PPARGC1A: variants seen among roughly 807,000 people sequenced by gnomAD.
PPARGC1A encodes peroxisome proliferator-activated receptor gamma coactivator 1-alpha.
PPARGC1A carries 25 observed loss-of-function variants against 88.7 expected under a neutral mutation model. The ratio of observed to expected loss-of-function variants is 0.28; its 90% CI spans 0.21 to 0.39. PPARGC1A has a LOEUF of 0.39. Ranked by LOEUF, PPARGC1A falls within the 10% of genes least tolerant of loss-of-function variation. The probability of loss-of-function intolerance (pLI) is 1.00; values close to 1 mark genes in which losing one functional copy is unlikely to be tolerated. For synonymous variants in PPARGC1A, 363 were observed against 355.6 expected, an observed-to-expected ratio of 1.02 and a Z score of -0.24; for missense variants, 880 against 968.7, an observed-to-expected ratio of 0.91 and a Z score of 1.22.
the PPARGC1A span, among the ~76,000 whole-genome samples, chr4:23,948,733 A>C: frequency 2.4e-4 from 36 of 152,210 alleles, no homozygotes; most frequent in African/African-American, 7.9e-4. Context: ...TTCATTCTCA[A>C]ATGTCCCATT....
chr4:24,401,469 C>T, the PPARGC1A span, among the ~76,000 whole-genome samples: 3 of 152,164 alleles, frequency 2.0e-5, no homozygotes, highest in African/African-American at 7.2e-5. Flanking sequence ...GAAGAATTCT[C>T]CACACTTCAT....
intron 10 of PPARGC1A, among the ~76,000 whole-genome samples, chr4:23,811,594 G>GACT (rs2109433268): frequency 6.6e-6 from 1 of 152,296 alleles, no homozygotes; most frequent in African/African-American, 2.4e-5. Context: ...CAACTGGACT[G>GACT]ACTTATTTTT....
rs2109300783 is a variant in PPARGC1A, at chr4:23,795,697, GT to G, written c.*124del. On this transcript the variant is annotated 3_prime_UTR_variant, in exon 13 of 13. Transcript: ENST00000264867. ...TGTTGTATTGTTGTTGTTTTGTTTT[GT>G]TTTTGTACAGAGAGTGTAAAGTAGG... 4.6e-6 allele frequency: 3 copies of G among 648,106 alleles called. No homozygotes were observed. The highest frequency in any genetic ancestry group is 3.4e-5 in the Admixed American group (1 of 29,742). The allele number at this position is 648,106 out of a possible 1,614,324, so 40.1% of individuals were successfully genotyped here. A position where few individuals can be genotyped will look rare whatever the true frequency, so the allele number is the denominator to read the frequency against.
the PPARGC1A span, among the ~76,000 whole-genome samples, chr4:24,091,928 T>TACACACAC: frequency 3.0e-3 from 449 of 147,840 alleles, 4 homozygotes; most frequent in East Asian, 0.046. Context: ...CTTGCCCCAA[T>TACACACAC]ACACACACAC....
rs1272170761 is a variant in PPARGC1A at position 23,889,892 on chromosome 4, G to A, written c.54+12C>T. On this transcript the variant is annotated intron_variant, in intron 1 of 12. Transcript: ENST00000264867. The stretch of plus-strand genomic sequence containing the variant: ...AGTTGTGGCTGCAGCGCCGAGCCCT[G>A]CCCCAGCTCACCTCGATGTCACTCC... 1.9e-6 allele frequency: 3 copies of A among 1,612,950 alleles called. No homozygotes were observed. Among genetic ancestry groups the A allele is most frequent in the Non-Finnish European group, 2.5e-6 (3 of 1,179,424 alleles).
the PPARGC1A span, among the ~76,000 whole-genome samples, chr4:23,979,095 A>T: frequency 5.3e-5 from 8 of 152,328 alleles, no homozygotes; most frequent in South Asian, 1.7e-3. Flanking sequence ...GGATAATTTC[A>T]TGTATAAAAA....
At chr4:24,064,209 A>C in the PPARGC1A span, among the ~76,000 whole-genome samples, 1 of 152,210 alleles carries the variant, frequency 6.6e-6, no homozygotes, top group Non-Finnish European at 1.5e-5. Context: ...CAATAAGAAA[A>C]AAAACAACTG....
intron 2 of PPARGC1A, among the ~76,000 whole-genome samples, chr4:23,857,999 C>T (rs921821098): frequency 2.6e-5 from 4 of 151,696 alleles, no homozygotes; most frequent in African/African-American, 7.3e-5. Flanking sequence ...AAAACAACTA[C>T]TATGGCTAAA....
At chr4:24,017,690 A>T in the PPARGC1A span, among the ~76,000 whole-genome samples, 1 of 152,136 alleles carries the variant, frequency 6.6e-6, no homozygotes, top group Non-Finnish European at 1.5e-5. Context: ...CAACAAGGAC[A>T]TCATTATTTA....
chr4:24,054,308 TAAA>T, the PPARGC1A span, among the ~76,000 whole-genome samples: 11 of 134,890 alleles, frequency 8.2e-5, no homozygotes, highest in Non-Finnish European at 9.5e-5. Context: ...ATCCTTCTTG[TAAA>T]AAAAAAAAAA....
chr4:24,289,302 A>T, the PPARGC1A span, among the ~76,000 whole-genome samples: 1 of 151,242 alleles, frequency 6.6e-6, no homozygotes, highest in Non-Finnish European at 1.5e-5. Flanking sequence ...TTAGCCCATT[A>T]TATTGCTCCA....
chr4:24,002,256 T>TA, the PPARGC1A span, among the ~76,000 whole-genome samples: 5 of 152,024 alleles, frequency 3.3e-5, no homozygotes, highest in African/African-American at 1.2e-4. Flanking sequence ...GCCTCCAGAG[T>TA]AGCTGGGATG....
the PPARGC1A span, among the ~76,000 whole-genome samples, chr4:24,422,070 G>C: frequency 6.6e-6 from 1 of 152,218 alleles, no homozygotes; most frequent in Admixed American, 6.5e-5. Flanking sequence ...TAAAGCAGGG[G>C]TCAGCAAACT....
the PPARGC1A span, among the ~76,000 whole-genome samples, chr4:24,331,767 T>TTATATATA: frequency 7.3e-4 from 105 of 143,652 alleles, no homozygotes; most frequent in African/African-American, 9.3e-4. Flanking sequence ...TGTGTTTATT[T>TTATATATA]TATATATATA....
In PPARGC1A at chr4:23,802,365, G is replaced by C. The variant is rs201481114; in HGVS notation, c.2020-20C>G. ...CTCTTCCTATGGGGGGAAGGAAGGA[G>C]AGAGTTCTGGAGTGGGAAAAAAGCT... On this transcript the variant is annotated intron_variant, in intron 10 of 12. Transcript: ENST00000264867. 2 of 1,613,656 alleles carry C rather than the reference G, an allele frequency of 1.2e-6. No homozygotes were observed. Among genetic ancestry groups the C allele is most frequent in the African/African-American group, 1.3e-5 (1 of 74,982 alleles).
the PPARGC1A span, among the ~76,000 whole-genome samples, chr4:24,197,238 G>T: frequency 1.3e-5 from 2 of 152,194 alleles, no homozygotes; most frequent in South Asian, 4.1e-4. Context: ...CTATTTTCCA[G>T]GGCATGAAAT....
chr4:24,076,194 A>G, the PPARGC1A span, among the ~76,000 whole-genome samples: 2 of 152,060 alleles, frequency 1.3e-5, no homozygotes. Context: ...CATCTCTCAC[A>G]TTCATTATCT....
chr4:24,162,361 T>C, the PPARGC1A span, among the ~76,000 whole-genome samples: 1 of 151,988 alleles, frequency 6.6e-6, no homozygotes, highest in Admixed American at 6.6e-5. Flanking sequence ...CAATAACCTA[T>C]GGAAATAAAA....
chr4:23,956,780 C>T, the PPARGC1A span, among the ~76,000 whole-genome samples: 2 of 152,082 alleles, frequency 1.3e-5, no homozygotes, highest in Non-Finnish European at 2.9e-5. Flanking sequence ...AAATGCTAAG[C>T]TCTTCAAAGT....
Sources: allele counts gnomAD v4.1 joint callset (sites outside exome capture counted in the v4.1 genomes callset), GRCh38; gene constraint gnomAD v4.1.1; transcripts MANE v1.5; gene names NCBI Gene and HGNC (gene_info 2026-07-23, HGNC 2026-07-21).